The following RAD50 variants were observed in gnomAD, a reference collection of about 807,000 sequenced individuals.
RAD50 encodes the protein RAD50 double strand break repair protein.
A neutral mutation model predicts 168.8 loss-of-function variants in RAD50; 132 were observed. The ratio of observed to expected loss-of-function variants is 0.78; its 90% CI spans 0.68 to 0.90. The LOEUF is 0.90. Ranked by LOEUF, RAD50 falls within the 40% of genes least tolerant of loss-of-function variation. The pLI is 0.00. For synonymous variants in RAD50, 525 were observed against 497.4 expected (o/e 1.06, Z -0.74); for missense variants, 1,347 against 1,534.4 (o/e 0.88, Z 2.04).
chr5:132,557,840 A>G (rs755035720), intron 1 of RAD50, among the ~76,000 whole-genome samples: 1 of 152,272 alleles, frequency 6.6e-6, no homozygotes, highest in Non-Finnish European at 1.5e-5. Context: ...TTTAAAAGTT[A>G]TAAAATGATA....
rs777037448 is a variant in RAD50, at chr5:132,580,041, A to T, written c.731A>T (p.Tyr244Phe). 2 of 1,612,252 alleles carry T rather than the reference A, an allele frequency of 1.2e-6. No homozygotes were observed. Among genetic ancestry groups the T allele is most frequent in the Non-Finnish European group, 1.7e-6 (2 of 1,178,372 alleles). The change falls in exon 5 of 25, where the codon TAT (tyrosine) becomes TTT (phenylalanine). Residue 244 changes from tyrosine to phenylalanine, a missense_variant. Physicochemically the swap from Tyr to Phe is conservative, Grantham distance 22. Coordinates refer to ENST00000378823, the MANE Select transcript of RAD50 (RefSeq NM_005732.4). ...LTSSKEIVKS[Y>F]ENELDPLKNR... ...TCTTCAAAGGAAATTGTCAAATCCT[A>T]TGAGAATGAACTTGATCCATTGAAG... is the stretch of plus-strand genomic sequence containing the variant.
rs1160789107 is a variant in RAD50 at position 132,625,089 on chromosome 5, C to CT, written c.3389+6810dup. On this transcript the variant is annotated intron_variant, in intron 21 of 24. Transcript: ENST00000378823. ...ACTACAGATGTCCAGATTTTGAATT[C>CT]TTTTTTTTTTTTTTTGAGACGGAGT... 6.5e-3 allele frequency among the ~76,000 whole-genome samples: 915 copies of CT among 140,524 alleles called. 4 individuals are homozygous for CT. The highest frequency in any genetic ancestry group is 0.018 in the African/African-American group (707 of 38,554). 92.2% of individuals were successfully genotyped at this position (140,524 alleles called of 152,430 possible). A position where few individuals can be genotyped will look rare whatever the true frequency, so the allele number is the denominator to read the frequency against.
At chr5:132,574,023 T>G (rs945740564) in intron 2 of RAD50, among the ~76,000 whole-genome samples, 3 of 152,224 alleles carry the variant, frequency 2.0e-5, no homozygotes, top group Non-Finnish European at 2.9e-5. Flanking sequence ...AGGTGCACAG[T>G]GCAAGCTGTC....
chr5:132,590,300 T>C (rs1205126117), intron 9 of RAD50, among the ~76,000 whole-genome samples: 1 of 152,092 alleles, frequency 6.6e-6, no homozygotes, highest in Non-Finnish European at 1.5e-5. Flanking sequence ...TGAAACCCCG[T>C]CTCTACTAAA....
At chr5:132,626,023 C>T (rs1486171756) in intron 21 of RAD50, among the ~76,000 whole-genome samples, 1 of 152,100 alleles carries the variant, frequency 6.6e-6, no homozygotes, top group African/African-American at 2.4e-5. Context: ...GTTCCTGCCA[C>T]CACACCTGGC....
intron 2 of RAD50, among the ~76,000 whole-genome samples, chr5:132,569,955 G>A (rs116387832): frequency 2.0e-5 from 3 of 152,176 alleles, no homozygotes; most frequent in Non-Finnish European, 4.4e-5. Context: ...AAATATGTGG[G>A]GTGCAGCTAG....
At chr5:132,601,179 G>T (rs2149846153) in intron 13 of RAD50, among the ~76,000 whole-genome samples, 1 of 152,210 alleles carries the variant, frequency 6.6e-6, no homozygotes, top group South Asian at 2.1e-4. Flanking sequence ...TGTATTTTTA[G>T]TAGAGATGGG....
chr5:132,618,259 C>T lies in RAD50; in HGVS notation c.3354C>T (p.Asn1118=). 2.5e-6 allele frequency: 4 copies of T among 1,614,010 alleles called. No individual in the cohort carries two copies. In the East Asian group the frequency reaches 8.9e-5, roughly 36 times the overall value. ...MIVMRTTELV[N]KDLDIYYKTL... ...TTATGAGGACAACAGAACTTGTGAA[C>T]AAGGATCTGGATATTTATTATAAGA... The change falls in exon 21 of 25, where the codon AAC becomes AAT. Residue 1118 remains asparagine, a synonymous_variant. Transcript: ENST00000378823.
In RAD50 at chr5:132,639,657, T is replaced by C. The variant is rs141261854; in HGVS notation, c.3619-1015T>C. ...TGAAAATTAATTAGCAATAATTGTCTCCTTGGTGTGAGGGGAGAGAACAAA... is the reference window on the plus strand; with the variant it reads ...TGAAAATTAATTAGCAATAATTGTCCCCTTGGTGTGAGGGGAGAGAACAAA... On this transcript the variant is annotated intron_variant, in intron 23 of 24. Coordinates refer to ENST00000378823, the MANE Select transcript of RAD50 (RefSeq NM_005732.4). Among the ~76,000 whole-genome samples the C allele has an allele frequency of 4.1e-4, 63 of 152,344 alleles. No homozygotes were observed. In the East Asian group the frequency reaches 0.01, roughly 25 times the overall value.
Position 132,637,254 on chromosome 5 carries a change from T to C in RAD50, c.3475+54T>C. 6.3e-6 allele frequency: 10 copies of C among 1,577,066 alleles called. No individual in the cohort carries two copies. In the South Asian group the frequency reaches 1.1e-4, roughly 18 times the overall value. ...CTTTCCAAAGCCCTCTCCGCAGCTC[T>C]TCCCCTTATGACCTCTCATCATGCC... is the stretch of plus-strand genomic sequence containing the variant. On this transcript the variant is annotated intron_variant, in intron 22 of 24. Coordinates refer to ENST00000378823, the MANE Select transcript of RAD50 (RefSeq NM_005732.4).
At chr5:132,591,818 T>G in intron 10 of RAD50, 59 bp from the exon 11 acceptor site, 1 of 1,273,296 alleles carries the variant, frequency 7.9e-7, no homozygotes, top group Non-Finnish European at 1.1e-6. Context: ...TTATTTTTGT[T>G]CTTGATATAA....
intron 20 of RAD50, 95 bp from the exon 21 acceptor site, chr5:132,617,975 G>T (rs1370378670): frequency 2.0e-6 from 2 of 1,009,798 alleles, no homozygotes; most frequent in Non-Finnish European, 3.1e-6. Context: ...TAAGGAGAAT[G>T]ATACTTAACC....
intron 13 of RAD50, among the ~76,000 whole-genome samples, chr5:132,599,242 A>C (rs539657834): frequency 1.7e-4 from 26 of 152,190 alleles, no homozygotes; most frequent in Admixed American, 1.5e-3. Context: ...CTGAAGCTAG[A>C]AAAGGCCTAC....
chr5:132,573,713 A>G (rs1010071814), intron 2 of RAD50, among the ~76,000 whole-genome samples: 1 of 152,236 alleles, frequency 6.6e-6, no homozygotes, highest in Non-Finnish European at 1.5e-5. Flanking sequence ...CTCAAAAGCA[A>G]GTTAGTTACT....
At chr5:132,619,827 T>TACTC (rs1295038244) in intron 21 of RAD50, among the ~76,000 whole-genome samples, 194 of 134,604 alleles carry the variant, frequency 1.4e-3, no homozygotes, top group African/African-American at 5.5e-3. Context: ...TCTCTCTCTC[T>TACTC]CTCTCTCTCT....
rs772029416 is a variant in RAD50, at chr5:132,643,044, A to G, written c.*680A>G. ...TCAGAGCTCTCTCTACAGAGAGGAAATTCTCCACTGTGCACACCCACCTTT... is the reference window on the plus strand; with the variant it reads ...TCAGAGCTCTCTCTACAGAGAGGAAGTTCTCCACTGTGCACACCCACCTTT... On this transcript the variant is annotated 3_prime_UTR_variant, in exon 25 of 25. Transcript: ENST00000378823. 2.8e-5 allele frequency: 15 copies of G among 529,750 alleles called. No homozygotes were observed. Among genetic ancestry groups the G allele is most frequent in the South Asian group, 2.3e-4 (15 of 65,030 alleles). The allele number at this position is 529,750 out of a possible 1,614,324, so 32.8% of individuals were successfully genotyped here.
chr5:132,639,286 G>A (rs1369254089), intron 23 of RAD50, among the ~76,000 whole-genome samples: 1 of 149,130 alleles, frequency 6.7e-6, no homozygotes, highest in African/African-American at 2.5e-5. Context: ...CTGGGAGGCG[G>A]AGGTTGCAGT....
Position 132,579,384 on chromosome 5 carries a change from G to C in RAD50, c.433G>C (p.Gly145Arg), listed in dbSNP as rs534015582. Residue 145 changes from glycine to arginine, a missense_variant, in exon 4 of 25, where the codon GGG becomes CGG. Gly to Arg is a moderately radical substitution (Grantham distance 125, BLOSUM62 -2). Transcript: ENST00000378823. ...TGACCGAGAAATGATCAGTTCTCTT[G>C]GGGTTTCCAAGGCTGTGCTAAATAA... ...EIDREMISSL[G>R]VSKAVLNNVI... 1 of 1,613,838 alleles carries C rather than the reference G, an allele frequency of 6.2e-7. No homozygotes were observed. The highest frequency in any genetic ancestry group is 1.1e-5 in the South Asian group (1 of 91,064).
intron 13 of RAD50, among the ~76,000 whole-genome samples, chr5:132,598,471 A>G (rs1750830717): frequency 6.6e-6 from 1 of 152,204 alleles, no homozygotes; most frequent in African/African-American, 2.4e-5. Flanking sequence ...TGTTCCAATT[A>G]TTTATTGCTA....
Sources: gnomAD v4.1 joint callset for allele counts (sites outside exome capture counted in the v4.1 genomes callset) on GRCh38, gnomAD v4.1.1 for gene constraint, MANE v1.5 for transcripts, NCBI Gene and HGNC (gene_info 2026-07-23, HGNC 2026-07-21) for gene names.